ASZ1: variants seen among roughly 807,000 people sequenced by gnomAD.
ASZ1 encodes the protein ankyrin repeat, SAM and basic leucine zipper domain-containing protein 1.
In ASZ1, 67 loss-of-function variants were observed where a neutral mutation model predicts 61.8. The observed-to-expected ratio is 1.08, with a 90% confidence interval of 0.89 to 1.33. The LOEUF is 1.33. Ranked by LOEUF, ASZ1 falls within the 40% of genes most tolerant of loss-of-function variation. ASZ1 has a pLI of 0.00. For missense variants in ASZ1, 577 were observed against 554.5 expected (o/e 1.04, Z -0.41); for synonymous variants, 193 against 192.7 (o/e 1.00, Z -0.01).
intron 4 of ASZ1, among the ~76,000 whole-genome samples, chr7:117,390,724 G>GTC (rs1796449053): frequency 6.6e-6 from 1 of 152,000 alleles, no homozygotes; most frequent in Non-Finnish European, 1.5e-5. Flanking sequence ...ATTTTTTTGA[G>GTC]AAGAAGCCTC....
chr7:117,385,956 C>A, intron 4 of ASZ1, 147 bp from the exon 5 acceptor site: 1 of 660,218 alleles, frequency 1.5e-6, no homozygotes, highest in Non-Finnish European at 2.5e-6. Flanking sequence ...ATTTAAAAAT[C>A]CAACCTTCCT....
At chr7:117,425,531 G>A (rs1797185743) in intron 2 of ASZ1, among the ~76,000 whole-genome samples, 1 of 151,904 alleles carries the variant, frequency 6.6e-6, no homozygotes, top group South Asian at 2.1e-4. Flanking sequence ...GACTCCCAAA[G>A]TGCTGGGATT....
At chr7:117,377,766 G>A (rs1258288832) in intron 10 of ASZ1, among the ~76,000 whole-genome samples, 1 of 152,078 alleles carries the variant, frequency 6.6e-6, no homozygotes, top group Non-Finnish European at 1.5e-5. Flanking sequence ...AACAAAATGG[G>A]AGGAATCACT....
At chr7:117,413,606 C>T (rs142261689) in intron 4 of ASZ1, among the ~76,000 whole-genome samples, 4 of 151,958 alleles carry the variant, frequency 2.6e-5, no homozygotes, top group African/African-American at 9.6e-5. Context: ...ATTTTAAAAA[C>T]GGCTTTCAAG....
At chr7:117,385,674 A>C (rs773124338) in intron 5 of ASZ1, 24 bp downstream of exon 5, 1 of 1,532,070 alleles carries the variant, frequency 6.5e-7, no homozygotes, top group Admixed American at 1.7e-5. Flanking sequence ...AAACAAAAAG[A>C]AACATTGTAA....
chr7:117,401,449 C>T (rs964607437), intron 4 of ASZ1, among the ~76,000 whole-genome samples: 2 of 151,180 alleles, frequency 1.3e-5, no homozygotes, highest in African/African-American at 4.9e-5. Flanking sequence ...AAATCTAATA[C>T]CTTCAAAGAA....
At chr7:117,381,918 C>A in intron 8 of ASZ1, 151 bp downstream of exon 8, 1 of 585,984 alleles carries the variant, frequency 1.7e-6, no homozygotes. Context: ...CAATGTTTTT[C>A]ACAAATTTAA....
chr7:117,382,263 A>T, intron 7 of ASZ1, 119 bp from the exon 8 acceptor site: 1 of 670,526 alleles, frequency 1.5e-6, no homozygotes. Flanking sequence ...ATATATTTGC[A>T]ATCTGCACAC....
chr7:117,405,975 C>T (rs191983495), intron 4 of ASZ1, among the ~76,000 whole-genome samples: 1 of 152,278 alleles, frequency 6.6e-6, no homozygotes, highest in Admixed American at 6.5e-5. Context: ...AGGAATGGGC[C>T]AGGGGTTCAG....
intron 4 of ASZ1, among the ~76,000 whole-genome samples, chr7:117,410,616 A>G (rs1796871994): frequency 6.6e-6 from 1 of 151,536 alleles, no homozygotes; most frequent in African/African-American, 2.4e-5. Flanking sequence ...ATACTGTTGA[A>G]AACCAATACA....
intron 4 of ASZ1, among the ~76,000 whole-genome samples, chr7:117,410,981 T>C (rs539212354): frequency 6.6e-6 from 1 of 151,796 alleles, no homozygotes; most frequent in African/African-American, 2.4e-5. Flanking sequence ...GGTAGTCTAT[T>C]TGATGGAGAA....
intron 4 of ASZ1, among the ~76,000 whole-genome samples, chr7:117,417,250 C>G (rs1482684193): frequency 6.6e-6 from 1 of 152,112 alleles, no homozygotes; most frequent in East Asian, 1.9e-4. Flanking sequence ...ATCTATCTAG[C>G]TTTCGCAAAA....
rs1379764689 is a variant in ASZ1 at position 117,384,746 on chromosome 7, T to C, written c.667A>G (p.Lys223Glu). 2 of 1,612,270 alleles carry C rather than the reference T, an allele frequency of 1.2e-6. No homozygotes were observed. Among genetic ancestry groups the C allele is most frequent in the Admixed American group, 3.3e-5 (2 of 59,720 alleles). ...GATACCTCATGATGTTTGTTTCTTT[T>C]TGCAATCTCACTTGGCATCTTTCCA... ...KDGKMPSEIA[K>E]RNKHHEIFNL... The change falls in exon 6 of 13, where the codon AAA becomes GAA. Residue 223 changes from lysine to glutamate, a missense_variant. Transcript: ENST00000284629.
At chr7:117,379,850 A>G (rs1796216298) in intron 10 of ASZ1, 88 bp downstream of exon 10, 4 of 839,202 alleles carry the variant, frequency 4.8e-6, no homozygotes, top group Non-Finnish European at 7.2e-6. Context: ...GTATCAAGTA[A>G]AATGACTCAG....
chr7:117,367,625 T>C, intron 11 of ASZ1, 160 bp from the exon 12 acceptor site: 1 of 1,142,086 alleles, frequency 8.8e-7, no homozygotes, highest in South Asian at 4.0e-5. Context: ...AGTAATTTTA[T>C]AAAAATATAA....
intron 12 of ASZ1, among the ~76,000 whole-genome samples, chr7:117,366,433 A>G (rs183235449): frequency 5.3e-4 from 81 of 152,272 alleles, no homozygotes; most frequent in Middle Eastern, 3.4e-3. Flanking sequence ...TAAATAATGT[A>G]TAATCTATCC....
At position 117,379,993 on chromosome 7, in the gene ASZ1, G is replaced by C. The variant is rs774939478; in HGVS notation, c.1000C>G (p.Gln334Glu). 1 of 1,607,398 alleles carries C rather than the reference G, an allele frequency of 6.2e-7. No homozygotes were observed. The highest frequency in any genetic ancestry group is 8.5e-7 in the Non-Finnish European group (1 of 1,176,734). Residue 334 changes from glutamine to glutamate, a missense_variant, in exon 10 of 13, where the codon CAG (glutamine) becomes GAG (glutamate). By Grantham distance (29) the Gln-to-Glu change is conservative. Coordinates refer to ENST00000284629, the MANE Select transcript of ASZ1 (RefSeq NM_130768.3). ...TCTCCAAATTGTATCTCTTCTACCT[G>C]TAGTTCTTTAAGAGCAGCCAGAATT... ...QKILAALKEL[Q>E]VEEIQFGELS...
rs776497887 is a variant in ASZ1, at chr7:117,426,881, T to C, written c.160A>G (p.Met54Val). ...EEKKEKFKKA[M>V]TIGDVSLVQE... Reference sequence around the variant, plus strand: ...ACCAATGAAACATCTCCGATGGTCATTGCTTTCTTAAATTTTTCTTTCTTT... The same window carrying C: ...ACCAATGAAACATCTCCGATGGTCACTGCTTTCTTAAATTTTTCTTTCTTT... The change falls in exon 2 of 13, where the codon ATG (methionine) becomes GTG (valine). Residue 54 changes from methionine to valine, a missense_variant. By Grantham distance (21) the Met-to-Val change is conservative (BLOSUM62 1). Coordinates refer to ENST00000284629, the MANE Select transcript of ASZ1 (RefSeq NM_130768.3). 1.1e-5 allele frequency: 17 copies of C among 1,613,204 alleles called. No homozygotes were observed. The highest frequency in any genetic ancestry group is 1.6e-4 in the Middle Eastern group (1 of 6,082).
At chr7:117,385,673 G>T in intron 5 of ASZ1, 25 bp downstream of exon 5, 1 of 1,531,180 alleles carries the variant, frequency 6.5e-7, no homozygotes, top group Non-Finnish European at 9.0e-7. Flanking sequence ...GAAACAAAAA[G>T]AAACATTGTA....
Sources: allele counts gnomAD v4.1 joint callset (sites outside exome capture counted in the v4.1 genomes callset), GRCh38; gene constraint gnomAD v4.1.1; transcripts MANE v1.5; gene names NCBI Gene and HGNC (gene_info 2026-07-23, HGNC 2026-07-21).